The following MAGI2 variants were observed in gnomAD, a reference collection of about 807,000 sequenced individuals.
The protein encoded by MAGI2 is membrane associated guanylate kinase, WW and PDZ domain containing 2, also known as membrane-associated guanylate kinase, WW and PDZ domain-containing protein 2.
A neutral mutation model predicts 133.3 loss-of-function variants in MAGI2; 35 were observed. The ratio of observed to expected loss-of-function variants is 0.26; its 90% CI spans 0.20 to 0.35. The LOEUF is 0.35. Ranked by LOEUF, MAGI2 falls within the 10% of genes least tolerant of loss-of-function variation. The probability of loss-of-function intolerance (pLI) is 1.00; values close to 1 mark genes in which losing one functional copy is unlikely to be tolerated. For synonymous variants in MAGI2, 729 were observed against 710.6 expected (o/e 1.03, Z -0.41); for missense variants, 1,636 against 1,863.4 (o/e 0.88, Z 2.25).
intron 1 of MAGI2, among the ~76,000 whole-genome samples, chr7:79,184,521 T>A (rs1221142369): frequency 6.6e-6 from 1 of 151,664 alleles, no homozygotes; most frequent in Admixed American, 6.6e-5. Context: ...ATTCAATTGT[T>A]TTACTATGTT....
At chr7:79,122,748 G>A (rs1330160112) in intron 1 of MAGI2, among the ~76,000 whole-genome samples, 1 of 151,410 alleles carries the variant, frequency 6.6e-6, no homozygotes, top group Non-Finnish European at 1.5e-5. Context: ...GAGTTCAAGC[G>A]ATTCTTCCAC....
intron 15 of MAGI2, among the ~76,000 whole-genome samples, chr7:78,162,862 C>T (rs1039525696): frequency 2.0e-5 from 3 of 152,118 alleles, no homozygotes; most frequent in Non-Finnish European, 4.4e-5. Context: ...CAGGGATTGA[C>T]CCCACATCAT....
rs528159796 is a variant in MAGI2, at chr7:79,354,848, C to T, written c.301+98172G>A. Among the ~76,000 whole-genome samples, 6 of 152,270 alleles carry T rather than the reference C, an allele frequency of 3.9e-5. No homozygotes were observed. In the East Asian group the frequency reaches 9.7e-4, roughly 25 times the overall value. On this transcript the variant is annotated intron_variant, in intron 1 of 21. Coordinates refer to ENST00000354212, the MANE Select transcript of MAGI2 (RefSeq NM_012301.4). ...TCATGGGGAGAAGGGCACAGAGGAG[C>T]TCCAGGATACTCCAACTCCTAAGCC...
chr7:78,567,325 CA>C (rs1801042275), intron 3 of MAGI2, among the ~76,000 whole-genome samples: 1 of 151,834 alleles, frequency 6.6e-6, no homozygotes, highest in South Asian at 2.1e-4. Context: ...ATCTGACACA[CA>C]AAAAAAGATG....
At chr7:79,070,445 T>C (rs971507499) in intron 1 of MAGI2, among the ~76,000 whole-genome samples, 10 of 151,694 alleles carry the variant, frequency 6.6e-5, no homozygotes, top group African/African-American at 2.2e-4. Flanking sequence ...TGTTGTGTTT[T>C]CAGCTCCATC....
chr7:78,629,473 C>G (rs974473728), intron 2 of MAGI2, among the ~76,000 whole-genome samples: 1 of 152,172 alleles, frequency 6.6e-6, no homozygotes, highest in Non-Finnish European at 1.5e-5. Context: ...TTCCCCAAAT[C>G]TGGCTTTATT....
intron 2 of MAGI2, among the ~76,000 whole-genome samples, chr7:78,894,031 G>A (rs186097027): frequency 5.3e-5 from 8 of 152,254 alleles, no homozygotes; most frequent in African/African-American, 1.7e-4. Context: ...AATTATCACC[G>A]AAATGCACTA....
chr7:78,834,906 G>C (rs1272477600), intron 2 of MAGI2, among the ~76,000 whole-genome samples: 1 of 152,050 alleles, frequency 6.6e-6, no homozygotes, highest in Non-Finnish European at 1.5e-5. Context: ...CGTGTGAGAT[G>C]CCTGCTCCAC....
intron 20 of MAGI2, among the ~76,000 whole-genome samples, chr7:78,097,056 GA>G (rs1011229166): frequency 1.3e-5 from 2 of 151,816 alleles, no homozygotes; most frequent in Non-Finnish European, 2.9e-5. Flanking sequence ...ACAAGCATAT[GA>G]AAAAAAACCT....
At chr7:79,079,747 T>G (rs965682671) in intron 1 of MAGI2, among the ~76,000 whole-genome samples, 1 of 152,142 alleles carries the variant, frequency 6.6e-6, no homozygotes, top group African/African-American at 2.4e-5. Context: ...AACATAACTA[T>G]AGATACTGAC....
At chr7:78,459,341 T>C (rs1286715532) in intron 6 of MAGI2, among the ~76,000 whole-genome samples, 1 of 152,194 alleles carries the variant, frequency 6.6e-6, no homozygotes, top group African/African-American at 2.4e-5. Flanking sequence ...CTTTGGTGAG[T>C]AGAGAGTCTT....
intron 1 of MAGI2, among the ~76,000 whole-genome samples, chr7:79,097,713 A>T (rs1027434424): frequency 2.6e-5 from 4 of 152,204 alleles, no homozygotes; most frequent in Non-Finnish European, 4.4e-5. Context: ...ATTTCTAACT[A>T]GTTGCAGGGA....
At chr7:78,057,397 C>T (rs10279596) in intron 21 of MAGI2, among the ~76,000 whole-genome samples, 21,519 of 152,042 alleles carry the variant, frequency 0.14, 1,635 homozygotes, top group African/African-American at 0.2. Context: ...TGCCCTCCAC[C>T]ATGCCTGGCT....
intron 3 of MAGI2, among the ~76,000 whole-genome samples, chr7:78,564,328 A>G (rs937490461): frequency 5.9e-5 from 9 of 152,182 alleles, no homozygotes. Context: ...AACACTTCAC[A>G]ATTAATATAT....
chr7:79,117,488 T>C (rs1819508964), intron 1 of MAGI2, among the ~76,000 whole-genome samples: 1 of 152,176 alleles, frequency 6.6e-6, no homozygotes, highest in African/African-American at 2.4e-5. Flanking sequence ...TTTGAAATCA[T>C]AAATAGTTTT....
At chr7:78,579,922 C>CA (rs1802661310) in intron 3 of MAGI2, among the ~76,000 whole-genome samples, 1 of 152,142 alleles carries the variant, frequency 6.6e-6, no homozygotes, top group Non-Finnish European at 1.5e-5. Context: ...CTGCAGCGAC[C>CA]AACTGCTCGT....
At chr7:78,654,699 ATATG>A (rs1811947170) in intron 2 of MAGI2, among the ~76,000 whole-genome samples, 2 of 54,116 alleles carry the variant, frequency 3.7e-5, no homozygotes, top group East Asian at 4.4e-4. Context: ...ACTTTTACAT[ATATG>A]TATATATATA....
chr7:78,222,226 T>G (rs1034695520), intron 10 of MAGI2, among the ~76,000 whole-genome samples: 1 of 152,172 alleles, frequency 6.6e-6, no homozygotes, highest in Non-Finnish European at 1.5e-5. Flanking sequence ...GTAAACCACG[T>G]GTTTTATGGG....
intron 1 of MAGI2, among the ~76,000 whole-genome samples, chr7:79,405,580 C>T (rs1845750831): frequency 1.3e-5 from 2 of 152,120 alleles, no homozygotes; most frequent in Non-Finnish European, 2.9e-5. Flanking sequence ...CATTTTCCTC[C>T]ATGCCCCAAG....
Sources: gnomAD v4.1 joint callset for allele counts (sites outside exome capture counted in the v4.1 genomes callset) on GRCh38, gnomAD v4.1.1 for gene constraint, MANE v1.5 for transcripts, NCBI Gene and HGNC (gene_info 2026-07-23, HGNC 2026-07-21) for gene names.